Variants in PKP2 observed in about 807,000 individuals in gnomAD.
PKP2 encodes plakophilin 2.
A neutral mutation model predicts 83.4 loss-of-function variants in PKP2; 73 were observed. The ratio of observed to expected loss-of-function variants is 0.88; its 90% CI spans 0.72 to 1.06. The LOEUF (loss-of-function observed/expected upper bound fraction) is 1.06, where lower values mean the gene tolerates loss of function less well. Ranked by LOEUF, PKP2 falls within the 50% of genes least tolerant of loss-of-function variation. The probability of loss-of-function intolerance (pLI) is 0.00; values close to 1 mark genes in which losing one functional copy is unlikely to be tolerated. For synonymous variants in PKP2, 409 were observed against 430.4 expected, an observed-to-expected ratio of 0.95 and a Z score of 0.62; for missense variants, 966 against 1,065.4, an observed-to-expected ratio of 0.91 and a Z score of 1.30.
At chr12:32,850,414 C>T (rs1956685213) in intron 5 of PKP2, among the ~76,000 whole-genome samples, 1 of 151,870 alleles carries the variant, frequency 6.6e-6, no homozygotes, top group Non-Finnish European at 1.5e-5. Context: ...ACTAAAAATA[C>T]AAAAATTAGC....
intron 9 of PKP2, among the ~76,000 whole-genome samples, chr12:32,806,471 T>C (rs757236000): frequency 6.6e-6 from 1 of 152,154 alleles, no homozygotes; most frequent in Admixed American, 6.5e-5. Context: ...AGTTTATCCA[T>C]GTTTTTCTAG....
intron 6 of PKP2, 163 bp from the exon 7 acceptor site, chr12:32,824,325 G>C: frequency 4.6e-6 from 3 of 657,412 alleles, no homozygotes; most frequent in Non-Finnish European, 8.3e-6. Flanking sequence ...CTGCTTAATA[G>C]ATCAACTATG....
In PKP2 at chr12:32,796,212, A is replaced by G. The variant is rs794729098; in HGVS notation, c.2254T>C (p.Cys752Arg). 6.2e-7 allele frequency: 1 copy of G among 1,613,936 alleles called. No individual in the cohort carries two copies. The highest frequency in any genetic ancestry group is 8.5e-7 in the Non-Finnish European group (1 of 1,179,860). ...TGGATTATGTTGTTCAATGTGTAAC[A>G]GGCAGAGGCTGTAGTTTCAATGAGA... ...DLLIETTASA[C>R]YTLNNIIQNS... Residue 752 changes from cysteine (C) to arginine (R), a missense_variant, in exon 11 of 13, where the codon TGT becomes CGT. Transcript: ENST00000340811.
chr12:32,829,566 T>C (rs943290354), intron 6 of PKP2, among the ~76,000 whole-genome samples: 4 of 152,026 alleles, frequency 2.6e-5, no homozygotes, highest in East Asian at 1.9e-4. Flanking sequence ...AATGGGACTA[T>C]TGCTACTTGA....
At chr12:32,860,754 G>A (rs767225498) in intron 4 of PKP2, among the ~76,000 whole-genome samples, 4 of 152,112 alleles carry the variant, frequency 2.6e-5, no homozygotes, top group Admixed American at 2.0e-4. Context: ...TTTGGTCTGG[G>A]CGCGGTGGTG....
chr12:32,796,338 G>C, intron 10 of PKP2, 40 bp from the exon 11 acceptor site: 1 of 1,508,610 alleles, frequency 6.6e-7, no homozygotes. Context: ...TGATTAAAAA[G>C]ATTGTTTCTT....
chr12:32,857,842 T>C (rs1240212013), intron 4 of PKP2, among the ~76,000 whole-genome samples: 2 of 151,434 alleles, frequency 1.3e-5, no homozygotes, highest in Non-Finnish European at 2.9e-5. Context: ...TAAGAGATAG[T>C]AGAAATCTAG....
At chr12:32,857,853 C>T (rs959172538) in intron 4 of PKP2, among the ~76,000 whole-genome samples, 2 of 150,814 alleles carry the variant, frequency 1.3e-5, no homozygotes, top group Non-Finnish European at 2.9e-5. Context: ...AGAAATCTAG[C>T]CCAACTTGGG....
intron 3 of PKP2, among the ~76,000 whole-genome samples, chr12:32,876,744 G>C (rs983203159): frequency 1.3e-5 from 2 of 152,134 alleles, no homozygotes; most frequent in Admixed American, 1.3e-4. Flanking sequence ...TGCCCAGGCT[G>C]GTCTTGAACT....
chr12:32,827,593 C>T (rs1263017495), intron 6 of PKP2, among the ~76,000 whole-genome samples: 2 of 152,100 alleles, frequency 1.3e-5, no homozygotes, highest in Admixed American at 6.5e-5. Flanking sequence ...CAGAATTGAT[C>T]TTTTTTACAA....
chr12:32,860,461 A>C (rs1956788207), intron 4 of PKP2, among the ~76,000 whole-genome samples: 1 of 152,212 alleles, frequency 6.6e-6, no homozygotes, highest in South Asian at 2.1e-4. Context: ...AATTCCTGCT[A>C]CATTAGATAG....
intron 9 of PKP2, among the ~76,000 whole-genome samples, chr12:32,805,470 T>G (rs1349881742): frequency 6.6e-6 from 1 of 152,226 alleles, no homozygotes; most frequent in Non-Finnish European, 1.5e-5. Flanking sequence ...CATCTCGAGT[T>G]AATTTTTGTA....
rs543281875 is a variant in PKP2 at position 32,878,192 on chromosome 12, C to T, written c.688G>A (p.Val230Ile). Residue 230 changes from valine to isoleucine, a missense_variant, in exon 3 of 13, where the codon GTT (valine) becomes ATT (isoleucine). Physicochemically the swap from Val to Ile is conservative, Grantham distance 29 (BLOSUM62 3). Transcript: ENST00000340811. ...GGGTTGGCAGGGATGCTGTCAAAAA[C>T]GGTGTCGCTAACAGAGCCATGCTGG... is the stretch of plus-strand genomic sequence containing the variant. The part of the protein sequence containing the change: ...QYQHGSVSDT[V>I]FDSIPANPAL... The T allele has an allele frequency of 2.0e-5, 32 of 1,614,214 alleles. No individual in the cohort carries two copies. The highest frequency in any genetic ancestry group is 1.6e-4 in the South Asian group (15 of 91,090).
intron 1 of PKP2, among the ~76,000 whole-genome samples, chr12:32,890,815 C>T (rs1412507385): frequency 6.6e-6 from 1 of 152,026 alleles, no homozygotes; most frequent in Non-Finnish European, 1.5e-5. Context: ...AAAAAATTAG[C>T]TGGGCTTGGT....
At position 32,792,343 on chromosome 12, in the gene PKP2, G is replaced by C; in HGVS notation, c.*81C>G. Reference sequence around the variant, plus strand: ...AAGGATAGAAACAAGGCATGCTTTTGAGGTTTCTTGGGCTGGGTAGTAGAA... The same window carrying C: ...AAGGATAGAAACAAGGCATGCTTTTCAGGTTTCTTGGGCTGGGTAGTAGAA... On this transcript the variant is annotated 3_prime_UTR_variant, in exon 13 of 13. Transcript: ENST00000340811. 2 of 961,294 alleles carry C rather than the reference G, an allele frequency of 2.1e-6. No individual in the cohort carries two copies. Among genetic ancestry groups the C allele is most frequent in the Admixed American group, 3.4e-5 (2 of 58,882 alleles). 59.5% of individuals were successfully genotyped at this position (961,294 alleles called of 1,614,324 possible).
intron 4 of PKP2, among the ~76,000 whole-genome samples, chr12:32,858,092 T>A (rs374336953): frequency 0.077 from 5,479 of 70,758 alleles, 290 homozygotes; most frequent in Non-Finnish European, 0.12. Context: ...AAAATATATA[T>A]ATATATATAT....
chr12:32,843,924 A>G (rs1956623838), intron 5 of PKP2, among the ~76,000 whole-genome samples: 1 of 152,238 alleles, frequency 6.6e-6, no homozygotes, highest in East Asian at 1.9e-4. Context: ...AAATAAGCAA[A>G]CAAATTAATA....
At chr12:32,865,535 A>C (rs1054968934) in intron 4 of PKP2, among the ~76,000 whole-genome samples, 2 of 151,768 alleles carry the variant, frequency 1.3e-5, no homozygotes, top group African/African-American at 4.8e-5. Flanking sequence ...AAAATACAAA[A>C]ATTAGCCATG....
At position 32,841,616 on chromosome 12, in the gene PKP2, A is replaced by G. The variant is rs140935619; in HGVS notation, c.1379-411T>C. On this transcript the variant is annotated intron_variant, in intron 5 of 12. Transcript: ENST00000340811. ...AAAACTTCAACATTTTTAAAGAGTC[A>G]TATTTTTTTCTCCCTTAGATACACA... Among the ~76,000 whole-genome samples, 168 of 152,282 alleles carry G rather than the reference A, an allele frequency of 1.1e-3. 2 individuals are homozygous for G. Among genetic ancestry groups the G allele is most frequent in the African/African-American group, 3.7e-3 (155 of 41,562 alleles).
Sources: allele counts gnomAD v4.1 joint callset (sites outside exome capture counted in the v4.1 genomes callset), GRCh38; gene constraint gnomAD v4.1.1; transcripts MANE v1.5; gene names NCBI Gene and HGNC (gene_info 2026-07-23, HGNC 2026-07-21).